NPAS2: variants seen among roughly 807,000 people sequenced by gnomAD.
NPAS2 encodes neuronal PAS domain protein 2.
Under a neutral mutation model 107.5 loss-of-function variants are expected in NPAS2, and 23 were observed. That is an observed-to-expected ratio of 0.21 (90% CI 0.15 to 0.30). The LOEUF (loss-of-function observed/expected upper bound fraction) is 0.30. Ranked by LOEUF, NPAS2 falls within the 10% of genes least tolerant of loss-of-function variation. The pLI, the probability that NPAS2 is intolerant of heterozygous loss-of-function variation, is 1.00. For missense variants in NPAS2, 756 were observed against 1,043.3 expected, an observed-to-expected ratio of 0.72 and a Z score of 3.79; for synonymous variants, 403 against 417.5, an observed-to-expected ratio of 0.97 and a Z score of 0.42.
At chr2:100,856,081 C>T (rs1008859911) in intron 1 of NPAS2, among the ~76,000 whole-genome samples, 5 of 152,114 alleles carry the variant, frequency 3.3e-5, no homozygotes, top group African/African-American at 1.2e-4. Context: ...CCTACTTAAG[C>T]AAAATTAAGG....
intron 1 of NPAS2, among the ~76,000 whole-genome samples, chr2:100,904,080 C>T (rs1276893149): frequency 3.3e-5 from 5 of 152,104 alleles, no homozygotes; most frequent in Non-Finnish European, 5.9e-5. Context: ...GGAGGAACTG[C>T]GGATTACACT....
chr2:100,876,287 A>G lies in NPAS2; in HGVS notation c.-22-28446A>G, dbSNP rs138837917. On this transcript the variant is annotated intron_variant, in intron 1 of 20. Coordinates refer to ENST00000335681, the MANE Select transcript of NPAS2 (RefSeq NM_002518.4). Reference sequence around the variant, plus strand: ...TCCTGAACCAAGGCGTGTGGCTGGTATCATTTTGTGGGGCCAGAACGCATT... The same window carrying G: ...TCCTGAACCAAGGCGTGTGGCTGGTGTCATTTTGTGGGGCCAGAACGCATT... Among the ~76,000 whole-genome samples, 278 of 152,308 alleles carry G rather than the reference A, an allele frequency of 1.8e-3. 1 individual carries two copies. Among genetic ancestry groups the G allele is most frequent in the African/African-American group, 5.9e-3 (244 of 41,558 alleles).
At chr2:100,845,063 T>G (rs1677688284) in intron 1 of NPAS2, among the ~76,000 whole-genome samples, 1 of 152,156 alleles carries the variant, frequency 6.6e-6, no homozygotes, top group Non-Finnish European at 1.5e-5. Context: ...GCTGCAAGCA[T>G]GCCCTGATTG....
chr2:100,950,949 A>C (rs1456018179), intron 7 of NPAS2, among the ~76,000 whole-genome samples: 2 of 152,238 alleles, frequency 1.3e-5, no homozygotes, highest in South Asian at 4.1e-4. Flanking sequence ...ACTCAGTTAA[A>C]GAAACTGACC....
intron 1 of NPAS2, among the ~76,000 whole-genome samples, chr2:100,826,262 T>C (rs1272895975): frequency 6.6e-6 from 1 of 152,054 alleles, no homozygotes; most frequent in Non-Finnish European, 1.5e-5. Flanking sequence ...GCCAACATGG[T>C]GAAACCCTGT....
intron 15 of NPAS2, among the ~76,000 whole-genome samples, chr2:100,980,246 G>C (rs1419858233): frequency 1.3e-5 from 2 of 152,176 alleles, no homozygotes; most frequent in African/African-American, 4.8e-5. Context: ...GCACCGATGA[G>C]CCGCCTCCAC....
At chr2:100,940,286 G>T (rs531297942) in intron 5 of NPAS2, among the ~76,000 whole-genome samples, 2 of 152,344 alleles carry the variant, frequency 1.3e-5, no homozygotes, top group East Asian at 3.9e-4. Context: ...ACCCAGGCTG[G>T]TCACCAGTCT....
At chr2:100,982,660 C>T (rs959765113) in intron 16 of NPAS2, 9 of 467,752 alleles carry the variant, frequency 1.9e-5, no homozygotes, top group Admixed American at 3.6e-5. Flanking sequence ...GTGCACTTGG[C>T]GTTGGATTGC....
chr2:100,918,976 C>G (rs1475003878), intron 2 of NPAS2, among the ~76,000 whole-genome samples: 1 of 152,190 alleles, frequency 6.6e-6, no homozygotes, highest in Non-Finnish European at 1.5e-5. Context: ...ATTACCCAAA[C>G]TGGAAACAAC....
At chr2:100,948,378 T>A in intron 6 of NPAS2, 23 bp downstream of exon 6, 1 of 1,584,332 alleles carries the variant, frequency 6.3e-7, no homozygotes, top group Non-Finnish European at 8.6e-7. Context: ...TTTCTGGTTT[T>A]ACAAGCTAGA....
chr2:100,844,051 G>A (rs780349729), intron 1 of NPAS2, among the ~76,000 whole-genome samples: 1 of 152,232 alleles, frequency 6.6e-6, no homozygotes, highest in Non-Finnish European at 1.5e-5. Context: ...GCTGCCCATA[G>A]TACACAGACT....
At chr2:100,949,344 C>T in intron 6 of NPAS2, 23 bp from the exon 7 acceptor site, 1 of 1,421,180 alleles carries the variant, frequency 7.0e-7, no homozygotes. Context: ...CCTTTCTCTC[C>T]TCTTCTTCCT....
intron 1 of NPAS2, among the ~76,000 whole-genome samples, chr2:100,824,707 G>C (rs1428762188): frequency 6.6e-6 from 1 of 152,148 alleles, no homozygotes; most frequent in Non-Finnish European, 1.5e-5. Context: ...ATATTAGGAG[G>C]GGTCACCTGG....
At chr2:100,851,655 TG>T (rs2104475610) in intron 1 of NPAS2, among the ~76,000 whole-genome samples, 1 of 152,332 alleles carries the variant, frequency 6.6e-6, no homozygotes, top group Admixed American at 6.5e-5. Context: ...CAGAGTGACA[TG>T]CGGAAATGCA....
intron 6 of NPAS2, 84 bp downstream of exon 6, chr2:100,948,439 G>A: frequency 1.6e-6 from 2 of 1,228,226 alleles, no homozygotes. Flanking sequence ...TAAGAAGGGA[G>A]AACTAATTTT....
chr2:100,904,841 C>T, intron 2 of NPAS2, 55 bp downstream of exon 2: 1 of 1,341,814 alleles, frequency 7.5e-7, no homozygotes, highest in Non-Finnish European at 1.1e-6. Context: ...CGGGGGTCTG[C>T]CTGGCAGAAT....
intron 16 of NPAS2, chr2:100,983,602 G>A (rs2105288786): frequency 6.6e-6 from 1 of 152,628 alleles, no homozygotes; most frequent in African/African-American, 2.4e-5. Context: ...CACGGCGTGT[G>A]CGCCTTGAGC....
chr2:100,920,550 G>C (rs1683155180), intron 2 of NPAS2, among the ~76,000 whole-genome samples: 1 of 152,128 alleles, frequency 6.6e-6, no homozygotes, highest in Admixed American at 6.5e-5. Flanking sequence ...TGTGTATCCA[G>C]ATAGACTAGT....
chr2:100,938,978 A>G (rs530223166), intron 5 of NPAS2, among the ~76,000 whole-genome samples: 2 of 152,162 alleles, frequency 1.3e-5, no homozygotes, highest in Non-Finnish European at 1.5e-5. Context: ...CACATAGGAA[A>G]GCTTGGGCCA....
Sources: allele counts gnomAD v4.1 joint callset (sites outside exome capture counted in the v4.1 genomes callset), GRCh38; gene constraint gnomAD v4.1.1; transcripts MANE v1.5; gene names NCBI Gene and HGNC (gene_info 2026-07-23, HGNC 2026-07-21).